Variants in MARCHF1 observed in about 807,000 individuals in gnomAD.
MARCHF1 encodes membrane associated ring-CH-type finger 1, also known as E3 ubiquitin-protein ligase MARCHF1.
A neutral mutation model predicts 54.2 loss-of-function variants in MARCHF1; 40 were observed. The ratio of observed to expected loss-of-function variants is 0.74; its 90% CI spans 0.57 to 0.96. The LOEUF is 0.96. Ranked by LOEUF, MARCHF1 falls within the 40% of genes least tolerant of loss-of-function variation. The pLI, the probability that MARCHF1 is intolerant of heterozygous loss-of-function variation, is 0.00. For missense variants in MARCHF1, 586 were observed against 656.5 expected (o/e 0.89, Z 1.17); for synonymous variants, 236 against 236.3 (o/e 1.00, Z 0.01).
chr4:163,578,180 G>A (rs1207924280), intron 8 of MARCHF1, among the ~76,000 whole-genome samples: 1 of 151,784 alleles, frequency 6.6e-6, no homozygotes, highest in African/African-American at 2.4e-5. Context: ...TGTATTCTTA[G>A]TTCTTGTGTA....
At chr4:163,842,491 A>T (rs1206170591) in intron 4 of MARCHF1, among the ~76,000 whole-genome samples, 1 of 152,044 alleles carries the variant, frequency 6.6e-6, no homozygotes, top group Non-Finnish European at 1.5e-5. Context: ...TTACCTGAGC[A>T]TATTTTTTTG....
intron 1 of MARCHF1, among the ~76,000 whole-genome samples, chr4:164,196,465 C>T (rs1463487340): frequency 6.6e-6 from 1 of 151,976 alleles, no homozygotes; most frequent in Non-Finnish European, 1.5e-5. Flanking sequence ...CAAATTATTT[C>T]CTTATTAATA....
chr4:163,796,965 T>C (rs1186254054), intron 4 of MARCHF1, among the ~76,000 whole-genome samples: 2 of 152,154 alleles, frequency 1.3e-5, no homozygotes, highest in Admixed American at 6.6e-5. Context: ...ATTGATATCA[T>C]TATTTTAATT....
chr4:163,731,715 TCAAA>T (rs1745835770), intron 4 of MARCHF1, among the ~76,000 whole-genome samples: 1 of 152,128 alleles, frequency 6.6e-6, no homozygotes, highest in African/African-American at 2.4e-5. Context: ...AAGGAATCAC[TCAAA>T]AGGATTAGTA....
chr4:164,359,802 G>A (rs970980028), intron 1 of MARCHF1, among the ~76,000 whole-genome samples: 15 of 152,028 alleles, frequency 9.9e-5, no homozygotes, highest in Admixed American at 9.8e-4. Context: ...CATCTCTCCA[G>A]TAAACACAAG....
intron 9 of MARCHF1, among the ~76,000 whole-genome samples, chr4:163,537,437 G>A (rs1738572590): frequency 6.6e-6 from 1 of 152,134 alleles, no homozygotes; most frequent in Non-Finnish European, 1.5e-5. Context: ...CATATATAAA[G>A]CTGTATCCTG....
intron 7 of MARCHF1, among the ~76,000 whole-genome samples, chr4:163,591,333 T>G (rs2110847807): frequency 6.6e-6 from 1 of 152,174 alleles, no homozygotes; most frequent in Non-Finnish European, 1.5e-5. Context: ...CATCTAAATT[T>G]CAGACTCACA....
chr4:164,344,339 T>C (rs1730014362), intron 1 of MARCHF1, among the ~76,000 whole-genome samples: 1 of 152,176 alleles, frequency 6.6e-6, no homozygotes, highest in Non-Finnish European at 1.5e-5. Context: ...GGTTTACTTA[T>C]GTAACAAACC....
rs1579031188 is a variant in MARCHF1, at chr4:163,529,054, ATG to A, written c.1340-10_1340-9del. Reference sequence around the variant, plus strand: ...ATGGCCATTCAAGGACACCTTTGAAATGAAAAAGAGAAAATGTTATCACCAAG... The same window carrying A: ...ATGGCCATTCAAGGACACCTTTGAAAAAAAAGAGAAAATGTTATCACCAAG... On this transcript the variant is annotated splice_polypyrimidine_tract_variant and intron_variant, in intron 9 of 9. Coordinates refer to ENST00000514618, the MANE Select transcript of MARCHF1 (RefSeq NM_001394959.1). The A allele has an allele frequency of 1.9e-6, 3 of 1,589,562 alleles. No homozygotes were observed. The highest frequency in any genetic ancestry group is 1.8e-5 in the Admixed American group (1 of 57,026).
At chr4:163,770,153 G>C (rs1747112429) in intron 4 of MARCHF1, among the ~76,000 whole-genome samples, 2 of 152,074 alleles carry the variant, frequency 1.3e-5, no homozygotes, top group South Asian at 4.1e-4. Flanking sequence ...TATGTTGTCA[G>C]TAAGGGTTAT....
intron 5 of MARCHF1, among the ~76,000 whole-genome samples, chr4:163,632,381 G>A (rs1051987414): frequency 6.6e-6 from 1 of 152,192 alleles, no homozygotes; most frequent in African/African-American, 2.4e-5. Flanking sequence ...GCAGGTCAGT[G>A]GGTGCATGCA....
At chr4:163,692,330 T>A (rs1233836085) in intron 5 of MARCHF1, among the ~76,000 whole-genome samples, 1 of 152,086 alleles carries the variant, frequency 6.6e-6, no homozygotes, top group Non-Finnish European at 1.5e-5. Flanking sequence ...AATTCTTAAA[T>A]AAAAATAAGT....
At chr4:163,682,465 G>C (rs184065908) in intron 5 of MARCHF1, among the ~76,000 whole-genome samples, 1 of 152,166 alleles carries the variant, frequency 6.6e-6, no homozygotes, top group Non-Finnish European at 1.5e-5. Flanking sequence ...CTAGAGGCCT[G>C]GGGGGAGAAA....
chr4:163,644,393 C>T (rs1219540988), intron 5 of MARCHF1, among the ~76,000 whole-genome samples: 1 of 152,076 alleles, frequency 6.6e-6, no homozygotes, highest in Non-Finnish European at 1.5e-5. Flanking sequence ...GACAGGCTTG[C>T]CCACTTCAAT....
rs115835113 is a variant in MARCHF1 at position 164,021,848 on chromosome 4, C to G, written c.-247-33139G>C. 7.1e-3 allele frequency among the ~76,000 whole-genome samples: 816 copies of G among 114,854 alleles called. 1 individual carries two copies. The highest frequency in any genetic ancestry group is 0.012 in the Non-Finnish European group (592 of 47,536). 75.3% of individuals were successfully genotyped at this position (114,854 alleles called of 152,430 possible). A position where few individuals can be genotyped will look rare whatever the true frequency, so the allele number is the denominator to read the frequency against. ...CAGCCTGGGCAACAAAAGTGAACCT[C>G]CATGTCAAAAAAAAAAAATTATATA... On this transcript the variant is annotated intron_variant, in intron 2 of 9. Coordinates refer to ENST00000514618, the MANE Select transcript of MARCHF1 (RefSeq NM_001394959.1).
rs13116288 is a variant in MARCHF1 at position 163,543,737 on chromosome 4, G to C, written c.1339+1859C>G. On this transcript the variant is annotated intron_variant, in intron 9 of 9. Transcript: ENST00000514618. ...GTCACATGTCTTAGAAATGTGGTTG[G>C]ATAAAATAAATGTAAGAGAGGGGTT... Among the ~76,000 whole-genome samples the C allele has an allele frequency of 3.4e-3, 520 of 152,274 alleles. 4 individuals are homozygous for C. Among genetic ancestry groups the C allele is most frequent in the Admixed American group, 6.7e-3 (103 of 15,302 alleles).
intron 8 of MARCHF1, among the ~76,000 whole-genome samples, chr4:163,578,513 C>T (rs1740112150): frequency 6.6e-6 from 1 of 152,112 alleles, no homozygotes; most frequent in Admixed American, 6.6e-5. Flanking sequence ...ATTCCCAATT[C>T]TCTCCCCAGT....
intron 8 of MARCHF1, among the ~76,000 whole-genome samples, chr4:163,577,439 G>A (rs1386056760): frequency 1.3e-5 from 2 of 152,040 alleles, no homozygotes; most frequent in Non-Finnish European, 2.9e-5. Context: ...GATTCCTTCT[G>A]AGAAGTCCAC....
intron 8 of MARCHF1, among the ~76,000 whole-genome samples, chr4:163,550,477 C>T (rs551662435): frequency 2.0e-5 from 3 of 149,822 alleles, no homozygotes; most frequent in East Asian, 2.0e-4. Context: ...CAGGTGGCGC[C>T]AGGCCCAAAC....
Sources: allele counts gnomAD v4.1 joint callset (sites outside exome capture counted in the v4.1 genomes callset), GRCh38; gene constraint gnomAD v4.1.1; transcripts MANE v1.5; gene names NCBI Gene and HGNC (gene_info 2026-07-23, HGNC 2026-07-21).